Variants in KDM4C observed in about 807,000 individuals in gnomAD.
KDM4C encodes the protein lysine demethylase 4C.
Under a neutral mutation model 129.3 loss-of-function variants are expected in KDM4C, and 81 were observed. The observed-to-expected ratio is 0.63, with a 90% CI of 0.52 to 0.75. The LOEUF is 0.75. KDM4C is among the 30% of genes least tolerant of loss of function. The pLI is 0.00. For synonymous variants in KDM4C, 573 were observed against 456.1 expected (o/e 1.26, Z -3.26); for missense variants, 1,457 against 1,304.0 (o/e 1.12, Z -1.81).
intron 11 of KDM4C, among the ~76,000 whole-genome samples, chr9:6,988,109 C>A (rs990277063): frequency 7.1e-6 from 1 of 139,984 alleles, no homozygotes; most frequent in African/African-American, 2.7e-5. Flanking sequence ...GAGCTGTGAT[C>A]CCACCACTGC....
chr9:6,741,847 C>T (rs1234407053), intron 1 of KDM4C, among the ~76,000 whole-genome samples: 1 of 151,590 alleles, frequency 6.6e-6, no homozygotes, highest in Non-Finnish European at 1.5e-5. Flanking sequence ...GGATTATCCA[C>T]GTGAGCCATC....
At chr9:6,842,964 C>G (rs1030676998) in intron 4 of KDM4C, among the ~76,000 whole-genome samples, 5 of 152,192 alleles carry the variant, frequency 3.3e-5, no homozygotes, top group Admixed American at 1.3e-4. Flanking sequence ...GAGTCTCGCT[C>G]TGTTGCCCGG....
chr9:7,102,683 A>G (rs1258941460), intron 17 of KDM4C, among the ~76,000 whole-genome samples: 2 of 152,342 alleles, frequency 1.3e-5, no homozygotes, highest in East Asian at 3.9e-4. Flanking sequence ...ATTAGTCTTC[A>G]AAAGGGCTTG....
At chr9:7,094,999 A>G (rs1204489205) in intron 17 of KDM4C, among the ~76,000 whole-genome samples, 1 of 152,348 alleles carries the variant, frequency 6.6e-6, no homozygotes, top group East Asian at 1.9e-4. Flanking sequence ...TATCAAAGGA[A>G]AATGATGAGA....
chr9:7,057,350 C>G (rs183256652), intron 17 of KDM4C, among the ~76,000 whole-genome samples: 5 of 152,326 alleles, frequency 3.3e-5, no homozygotes, highest in Admixed American at 1.3e-4. Context: ...ATTTATTGAT[C>G]TCAATATCAA....
intron 4 of KDM4C, among the ~76,000 whole-genome samples, chr9:6,845,229 A>T (rs1430266766): frequency 1.3e-5 from 2 of 152,060 alleles, no homozygotes; most frequent in Non-Finnish European, 2.9e-5. Context: ...TGATTGACTG[A>T]TTGAGACAGG....
At chr9:7,058,208 T>C (rs1229092798) in intron 17 of KDM4C, among the ~76,000 whole-genome samples, 1 of 152,186 alleles carries the variant, frequency 6.6e-6, no homozygotes, top group Non-Finnish European at 1.5e-5. Flanking sequence ...ATTTTGCCTT[T>C]GGGGGATAAA....
At chr9:6,796,087 G>A (rs566874045) in intron 2 of KDM4C, among the ~76,000 whole-genome samples, 3 of 152,142 alleles carry the variant, frequency 2.0e-5, no homozygotes, top group African/African-American at 7.2e-5. Flanking sequence ...CTAAAGCTTC[G>A]TAATGACTTT....
chr9:7,106,288 G>A (rs892192522), intron 18 of KDM4C, among the ~76,000 whole-genome samples: 6 of 152,180 alleles, frequency 3.9e-5, no homozygotes, highest in Admixed American at 1.3e-4. Context: ...ATTTCTCTTT[G>A]TGTAAACTAT....
chr9:6,857,755 C>CTTTTT (rs34529562), intron 5 of KDM4C, among the ~76,000 whole-genome samples: 1 of 135,542 alleles, frequency 7.4e-6, no homozygotes, highest in Non-Finnish European at 1.6e-5. Context: ...GCCAGCTGTA[C>CTTTTT]TTTTTTTTTT....
At chr9:6,977,927 C>G (rs1833203538) in intron 8 of KDM4C, among the ~76,000 whole-genome samples, 2 of 152,142 alleles carry the variant, frequency 1.3e-5, no homozygotes, top group African/African-American at 2.4e-5. Context: ...ATTCTTATTT[C>G]TTTTGTTGCT....
chr9:6,919,231 T>TTTCC (rs754640032), intron 8 of KDM4C, among the ~76,000 whole-genome samples: 1,654 of 93,048 alleles, frequency 0.018, 65 homozygotes, highest in Admixed American at 0.086. Context: ...TCCTTCTTTC[T>TTTCC]TTCTTTCTTT....
chr9:7,008,353 C>T (rs573584690), intron 12 of KDM4C, among the ~76,000 whole-genome samples: 1 of 152,182 alleles, frequency 6.6e-6, no homozygotes, highest in East Asian at 1.9e-4. Context: ...TCAGTACCCA[C>T]ATCCTTAGAC....
Position 7,086,152 on chromosome 9 carries a change from C to T in KDM4C, c.2425-17533C>T, listed in dbSNP as rs143516546. On this transcript the variant is annotated intron_variant, in intron 17 of 21. Transcript: ENST00000381309. ...CAGCCTGAGCGACAGAGCCAGACCC[C>T]GTCTCAAAAAAAACAAAAACAGTTA... is the stretch of plus-strand genomic sequence containing the variant. Among the ~76,000 whole-genome samples the T allele has an allele frequency of 3.8e-3, 575 of 152,064 alleles. 2 individuals are homozygous for T. Among genetic ancestry groups the T allele is most frequent in the African/African-American group, 0.01 (421 of 41,466 alleles).
intron 2 of KDM4C, among the ~76,000 whole-genome samples, chr9:6,799,814 A>C (rs2130952707): frequency 6.6e-6 from 1 of 151,956 alleles, no homozygotes; most frequent in African/African-American, 2.4e-5. Flanking sequence ...AACATTCTTA[A>C]ATATAGTGCC....
At chr9:6,830,902 G>A (rs975931730) in intron 4 of KDM4C, among the ~76,000 whole-genome samples, 4 of 152,150 alleles carry the variant, frequency 2.6e-5, no homozygotes, top group Non-Finnish European at 4.4e-5. Flanking sequence ...CCAACAACTG[G>A]GAGAAACTGA....
At chr9:7,019,744 AATAT>A (rs1824396229) in intron 15 of KDM4C, among the ~76,000 whole-genome samples, 1 of 90,092 alleles carries the variant, frequency 1.1e-5, no homozygotes, top group East Asian at 4.4e-4. Context: ...ATAAAAATAT[AATAT>A]TTTTATATAT....
chr9:7,082,066 C>T lies in KDM4C; in HGVS notation c.2425-21619C>T, dbSNP rs112340264. ...ATCATGGTGGCCCTGAGAACAAAGGCATCAAATAAATGCTTCTGAAACCAC... is the reference window on the plus strand; with the variant it reads ...ATCATGGTGGCCCTGAGAACAAAGGTATCAAATAAATGCTTCTGAAACCAC... On this transcript the variant is annotated intron_variant, in intron 17 of 21. Transcript: ENST00000381309. 4.3e-3 allele frequency among the ~76,000 whole-genome samples: 652 copies of T among 152,270 alleles called. 5 individuals are homozygous for T. The highest frequency in any genetic ancestry group is 0.012 in the African/African-American group (497 of 41,560).
chr9:6,883,215 A>T (rs1844745510), intron 6 of KDM4C, among the ~76,000 whole-genome samples: 1 of 152,222 alleles, frequency 6.6e-6, no homozygotes, highest in South Asian at 2.1e-4. Flanking sequence ...TTATTCCCTT[A>T]AGCATTCACT....
Sources: allele counts gnomAD v4.1 joint callset (sites outside exome capture counted in the v4.1 genomes callset), GRCh38; gene constraint gnomAD v4.1.1; transcripts MANE v1.5; gene names NCBI Gene and HGNC (gene_info 2026-07-23, HGNC 2026-07-21).